The following PAN3 variants were observed in gnomAD, a reference collection of about 807,000 sequenced individuals.
PAN3 encodes the protein poly(A) specific ribonuclease subunit PAN3, also known as PAN2-PAN3 deadenylation complex subunit PAN3.
Under a neutral mutation model 96.2 loss-of-function variants are expected in PAN3, and 19 were observed. The ratio of observed to expected loss-of-function variants is 0.20; its 90% CI spans 0.14 to 0.29. The LOEUF is 0.29. PAN3 is among the 10% of genes least tolerant of loss of function. PAN3 has a pLI of 1.00. For synonymous variants in PAN3, 433 were observed against 406.6 expected, an observed-to-expected ratio of 1.06 and a Z score of -0.78; for missense variants, 882 against 1,108.1, an observed-to-expected ratio of 0.80 and a Z score of 2.90.
intron 17 of PAN3, among the ~76,000 whole-genome samples, chr13:28,285,257 C>T (rs1868837422): frequency 6.6e-6 from 1 of 151,982 alleles, no homozygotes; most frequent in African/African-American, 2.4e-5. Context: ...ATGATAGTTT[C>T]CTTCCCAGTT....
At chr13:28,184,686 A>C (rs1876238066) in intron 4 of PAN3, among the ~76,000 whole-genome samples, 1 of 152,188 alleles carries the variant, frequency 6.6e-6, no homozygotes, top group Admixed American at 6.5e-5. Flanking sequence ...TCTTGAAAAC[A>C]CTGGGCTATA....
At chr13:28,221,302 G>C (rs1328699506) in intron 6 of PAN3, among the ~76,000 whole-genome samples, 1 of 151,236 alleles carries the variant, frequency 6.6e-6, no homozygotes, top group Non-Finnish European at 1.5e-5. Context: ...CACAAATTAG[G>C]CTTCTAGAAC....
At chr13:28,227,456 A>T (rs1251702583) in intron 6 of PAN3, among the ~76,000 whole-genome samples, 1 of 152,182 alleles carries the variant, frequency 6.6e-6, no homozygotes, top group Non-Finnish European at 1.5e-5. Flanking sequence ...AGTGATCTAC[A>T]GCTGCAGCAA....
intron 6 of PAN3, among the ~76,000 whole-genome samples, chr13:28,233,762 G>A (rs948791620): frequency 7.2e-5 from 11 of 152,076 alleles, no homozygotes; most frequent in Non-Finnish European, 1.5e-4. Flanking sequence ...AATTTCACTG[G>A]CAAATATCAG....
chr13:28,228,261 C>T (rs970241058), intron 6 of PAN3, among the ~76,000 whole-genome samples: 3 of 152,136 alleles, frequency 2.0e-5, no homozygotes, highest in African/African-American at 4.8e-5. Flanking sequence ...TGATTCTTCT[C>T]AGCTTGACCA....
chr13:28,295,022 T>G lies in PAN3; in HGVS notation c.*2500T>G, dbSNP rs913701029. The G allele has an allele frequency of 1.3e-5, 2 of 152,222 alleles. No individual in the cohort carries two copies. Among genetic ancestry groups the G allele is most frequent in the African/African-American group, 2.4e-5 (1 of 41,458 alleles). The allele number at this position is 152,222 out of a possible 1,614,324, so 9.4% of individuals were successfully genotyped here. Reference sequence around the variant, plus strand: ...GTAGTCAAATTAAGGATATAAACTTTCCACACCTTCCTGTCGTGACAGATA... The same window carrying G: ...GTAGTCAAATTAAGGATATAAACTTGCCACACCTTCCTGTCGTGACAGATA... On this transcript the variant is annotated 3_prime_UTR_variant, in exon 19 of 19. Transcript: ENST00000380958.
At chr13:28,282,525 T>C (rs1868406499) in intron 17 of PAN3, among the ~76,000 whole-genome samples, 1 of 152,248 alleles carries the variant, frequency 6.6e-6, no homozygotes, top group Admixed American at 6.5e-5. Context: ...TGTCTGCTTA[T>C]AGTTCTATTC....
rs543985922 is a variant in PAN3 at position 28,189,285 on chromosome 13, C to T, written c.691-7900C>T. 7.9e-5 allele frequency among the ~76,000 whole-genome samples: 12 copies of T among 152,168 alleles called. No individual in the cohort carries two copies. In the South Asian group the frequency reaches 1.2e-3, roughly 16 times the overall value. On this transcript the variant is annotated intron_variant, in intron 4 of 18. Coordinates refer to ENST00000380958, the MANE Select transcript of PAN3 (RefSeq NM_175854.8). ...GTAATCCCAGCACTTTGGGAGGCCA[C>T]GCCGGGTGGATCATGAAGTCAGGAG... is the stretch of plus-strand genomic sequence containing the variant.
At chr13:28,227,784 A>G (rs1194601812) in intron 6 of PAN3, among the ~76,000 whole-genome samples, 1 of 152,216 alleles carries the variant, frequency 6.6e-6, no homozygotes, top group African/African-American at 2.4e-5. Context: ...TAGAAGGCAT[A>G]TGGACTTCTT....
intron 6 of PAN3, among the ~76,000 whole-genome samples, chr13:28,223,671 T>A (rs888853616): frequency 7.9e-5 from 12 of 151,738 alleles, no homozygotes; most frequent in African/African-American, 2.9e-4. Context: ...AACCACTGAT[T>A]TAACACAACT....
At position 28,144,257 on chromosome 13, in the gene PAN3, C is replaced by T. The variant is rs546910154; in HGVS notation, c.430+5170C>T. ...TTTGATATGGAGTCTCGCTCTGTCT[C>T]CCAGGCTGGAGTGCAGTGGCGCAGT... On this transcript the variant is annotated intron_variant, in intron 1 of 18. Coordinates refer to ENST00000380958, the MANE Select transcript of PAN3 (RefSeq NM_175854.8). Among the ~76,000 whole-genome samples, 5 of 136,820 alleles carry T rather than the reference C, an allele frequency of 3.7e-5. No homozygotes were observed. In the East Asian group the frequency reaches 1.1e-3, roughly 30 times the overall value. 89.8% of individuals were successfully genotyped at this position (136,820 alleles called of 152,430 possible).
At chr13:28,202,547 T>A (rs1878857182) in intron 5 of PAN3, among the ~76,000 whole-genome samples, 1 of 152,196 alleles carries the variant, frequency 6.6e-6, no homozygotes, top group Non-Finnish European at 1.5e-5. Flanking sequence ...TGAACCATTG[T>A]TAACTGAGCC....
intron 6 of PAN3, among the ~76,000 whole-genome samples, chr13:28,253,056 G>A (rs1200681281): frequency 1.3e-5 from 2 of 152,128 alleles, no homozygotes; most frequent in Admixed American, 6.5e-5. Flanking sequence ...TGTATCTGAT[G>A]TACCTCATTA....
Position 28,197,264 on chromosome 13 carries a change from T to C in PAN3, c.770T>C (p.Ile257Thr), listed in dbSNP as rs1247372024. ...GSKARKAKNP[I>T]GCLADRCKSG... is the part of the protein sequence containing the mutation. ...AAGGCACGAAAAGCAAAGAACCCTA[T>C]TGGCTGCCTTGCTGACAGGTGTAAA... The change falls in exon 5 of 19, where the codon ATT becomes ACT. Residue 257 changes from isoleucine to threonine, a missense_variant. This residue lies in a region of PAN3 where 442 missense variants were observed against 422.8 expected (regional missense o/e 1.05). Coordinates refer to ENST00000380958, the MANE Select transcript of PAN3 (RefSeq NM_175854.8). The C allele has an allele frequency of 2.5e-6, 4 of 1,613,008 alleles. No homozygotes were observed. Among genetic ancestry groups the C allele is most frequent in the African/African-American group, 2.7e-5 (2 of 74,892 alleles).
chr13:28,253,301 TA>T (rs145459257), intron 6 of PAN3, among the ~76,000 whole-genome samples: 15,865 of 152,212 alleles, frequency 0.1, 1,027 homozygotes, highest in Middle Eastern at 0.17. Flanking sequence ...TTGCTGTTTA[TA>T]ATTTAGTACT....
At chr13:28,215,736 A>G (rs900350304) in intron 5 of PAN3, 43 of 1,499,602 alleles carry the variant, frequency 2.9e-5, no homozygotes, top group African/African-American at 2.5e-4. Context: ...TGGCAAGCCC[A>G]TGTGTGCTGA....
At position 28,220,232 on chromosome 13, in the gene PAN3, C is replaced by T. The variant is rs1881259199; in HGVS notation, c.854C>T (p.Thr285Ile). ...TTACTATATTTGATTTTTAAATAGA[C>T]ACCAAATCCTACTGCAAGCGAGTTT... Reference protein sequence around the residue: ...WNRVTENNLQTPNPTASEFIP... With the variant: ...WNRVTENNLQIPNPTASEFIP... Residue 285 changes from threonine to isoleucine, a missense_variant and splice_region_variant, in exon 6 of 19, where the codon ACA (threonine) becomes ATA (isoleucine). Physicochemically the swap from Thr to Ile is moderately conservative, Grantham distance 89. Coordinates refer to ENST00000380958, the MANE Select transcript of PAN3 (RefSeq NM_175854.8). The T allele has an allele frequency of 6.2e-7, 1 of 1,611,418 alleles. No individual in the cohort carries two copies. Among genetic ancestry groups the T allele is most frequent in the African/African-American group, 1.3e-5 (1 of 74,776 alleles).
intron 6 of PAN3, chr13:28,239,750 A>T: frequency 5.8e-6 from 6 of 1,029,078 alleles, no homozygotes; most frequent in Non-Finnish European, 8.0e-6. Flanking sequence ...TAATTCCCCT[A>T]ATCATAAGGG....
chr13:28,138,228 T>C (rs940601759), upstream of PAN3: 10 of 152,056 alleles, frequency 6.6e-5, no homozygotes, highest in African/African-American at 2.4e-4. Flanking sequence ...AAGAGGAAAA[T>C]GGAATAAACA....
Sources: gnomAD v4.1 joint callset for allele counts (sites outside exome capture counted in the v4.1 genomes callset) on GRCh38, gnomAD v4.1.1 for gene constraint, gnomAD v4.1.1 regional missense constraint, MANE v1.5 for transcripts, NCBI Gene and HGNC (gene_info 2026-07-23, HGNC 2026-07-21) for gene names.